ZFAT: variants seen among roughly 807,000 people sequenced by gnomAD.
ZFAT encodes zinc finger protein ZFAT.
Under a neutral mutation model 117.7 loss-of-function variants are expected in ZFAT, and 64 were observed. That is an observed-to-expected ratio of 0.54 (90% CI 0.44 to 0.67). The LOEUF is 0.67. Among genes scored for constraint, ZFAT ranks in the 30% least tolerant of loss-of-function variants. ZFAT has a pLI of 0.00. For missense variants in ZFAT, 1,433 were observed against 1,584.5 expected, an observed-to-expected ratio of 0.90 and a Z score of 1.62; for synonymous variants, 679 against 615.0, an observed-to-expected ratio of 1.10 and a Z score of -1.54.
intron 15 of ZFAT, among the ~76,000 whole-genome samples, chr8:134,495,018 G>C (rs1053529259): frequency 2.0e-5 from 3 of 152,068 alleles, no homozygotes; most frequent in African/African-American, 4.8e-5. Context: ...TACTTAATTC[G>C]ACTCTCTTTT....
chr8:134,762,919 G>T, the ZFAT span, among the ~76,000 whole-genome samples: 1 of 152,096 alleles, frequency 6.6e-6, no homozygotes, highest in Admixed American at 6.6e-5. Flanking sequence ...CCATTGCTCA[G>T]GTCAACATAG....
At chr8:134,563,802 C>G (rs997045036) in intron 11 of ZFAT, among the ~76,000 whole-genome samples, 1 of 152,224 alleles carries the variant, frequency 6.6e-6, no homozygotes, top group South Asian at 2.1e-4. Flanking sequence ...GGTGTAGGGT[C>G]GCCCAGCTCC....
At chr8:134,667,383 C>T (rs983351664) in intron 1 of ZFAT, among the ~76,000 whole-genome samples, 15 of 150,726 alleles carry the variant, frequency 1.0e-4, no homozygotes, top group Non-Finnish European at 1.5e-4. Flanking sequence ...GTCCCAGCTA[C>T]TTGGGAGGCT....
At chr8:134,565,701 G>A (rs1459974817) in intron 10 of ZFAT, 1 of 522,760 alleles carries the variant, frequency 1.9e-6, no homozygotes, top group South Asian at 2.0e-5. Context: ...TAAAGAAAGA[G>A]TAAGGGTGTG....
the ZFAT span, among the ~76,000 whole-genome samples, chr8:134,735,944 G>GAT: frequency 9.9e-5 from 15 of 152,066 alleles, no homozygotes; most frequent in Admixed American, 6.5e-5. Context: ...ATCCATCATG[G>GAT]ATATATACAC....
intron 15 of ZFAT, among the ~76,000 whole-genome samples, chr8:134,487,623 A>G (rs559453904): frequency 5.6e-4 from 85 of 152,198 alleles, no homozygotes; most frequent in African/African-American, 2.0e-3. Flanking sequence ...TCCTTCCCCC[A>G]CACTCAATTT....
At chr8:134,825,995 T>C in the ZFAT span, among the ~76,000 whole-genome samples, 2 of 145,438 alleles carry the variant, frequency 1.4e-5, no homozygotes, top group African/African-American at 5.2e-5. Flanking sequence ...CACTCCAGCC[T>C]GGGCGACAGA....
At chr8:134,773,155 C>G in the ZFAT span, among the ~76,000 whole-genome samples, 30 of 151,706 alleles carry the variant, frequency 2.0e-4, no homozygotes, top group Non-Finnish European at 4.0e-4. Context: ...CAGTCTGAGT[C>G]TCTCATTAGG....
intron 11 of ZFAT, among the ~76,000 whole-genome samples, chr8:134,541,496 C>A (rs1822250377): frequency 6.6e-6 from 1 of 152,144 alleles, no homozygotes; most frequent in African/African-American, 2.4e-5. Context: ...GAAATAAGTT[C>A]CTTTTCTTTA....
chr8:134,732,667 C>T, the ZFAT span, among the ~76,000 whole-genome samples: 4 of 152,150 alleles, frequency 2.6e-5, no homozygotes, highest in Non-Finnish European at 5.9e-5. Context: ...AAATTAGGAG[C>T]GTTTCAGAAA....
At chr8:134,511,721 G>C (rs538095463) in intron 14 of ZFAT, among the ~76,000 whole-genome samples, 1 of 152,184 alleles carries the variant, frequency 6.6e-6, no homozygotes, top group Non-Finnish European at 1.5e-5. Flanking sequence ...TTTAAAAAGA[G>C]CATCAAGAAA....
At chr8:134,484,766 C>T (rs1421346837) in intron 15 of ZFAT, among the ~76,000 whole-genome samples, 5 of 152,136 alleles carry the variant, frequency 3.3e-5, no homozygotes, top group South Asian at 4.1e-4. Flanking sequence ...AGATTTTCCC[C>T]GGAATAACAA....
intron 11 of ZFAT, among the ~76,000 whole-genome samples, chr8:134,547,560 A>C (rs1165897117): frequency 2.6e-5 from 4 of 152,246 alleles, no homozygotes; most frequent in Non-Finnish European, 4.4e-5. Flanking sequence ...ACACCACTGC[A>C]GTAGTGAAGA....
chr8:134,537,313 AAG>A (rs1251441450), intron 11 of ZFAT, among the ~76,000 whole-genome samples: 1 of 152,228 alleles, frequency 6.6e-6, no homozygotes, highest in Non-Finnish European at 1.5e-5. Flanking sequence ...GCCAACAGTA[AAG>A]AGATGATTTG....
chr8:134,644,048 C>G (rs1830734900), intron 2 of ZFAT, among the ~76,000 whole-genome samples: 1 of 152,240 alleles, frequency 6.6e-6, no homozygotes, highest in Non-Finnish European at 1.5e-5. Context: ...CCTCCTTTTA[C>G]CCTCACATTA....
In ZFAT at chr8:134,548,292, A is replaced by G. The variant is rs571768588; in HGVS notation, c.2977-15320T>C. On this transcript the variant is annotated intron_variant, in intron 11 of 15. Coordinates refer to ENST00000377838, the MANE Select transcript of ZFAT (RefSeq NM_020863.4). Reference sequence around the variant, plus strand: ...ACCCATTGATGCTGTTAAACACATAAAAATAAGGCATTTGAGCCAAGACCT... The same window carrying G: ...ACCCATTGATGCTGTTAAACACATAGAAATAAGGCATTTGAGCCAAGACCT... 1.2e-3 allele frequency among the ~76,000 whole-genome samples: 185 copies of G among 152,344 alleles called. 2 individuals carry two copies. In the Middle Eastern group the frequency reaches 0.037, roughly 31 times the overall value.
chr8:134,813,829 C>G, the ZFAT span, among the ~76,000 whole-genome samples: 2 of 150,424 alleles, frequency 1.3e-5, no homozygotes, highest in South Asian at 4.2e-4. Flanking sequence ...CACACACACA[C>G]ACACACACAC....
chr8:134,780,389 A>G, the ZFAT span, among the ~76,000 whole-genome samples: 1 of 152,180 alleles, frequency 6.6e-6, no homozygotes, highest in Non-Finnish European at 1.5e-5. Flanking sequence ...CTATTTTCCT[A>G]TACCTACCAA....
At chr8:134,545,284 G>A (rs148027078) in intron 11 of ZFAT, among the ~76,000 whole-genome samples, 1 of 152,280 alleles carries the variant, frequency 6.6e-6, no homozygotes, top group African/African-American at 2.4e-5. Context: ...AGGCTGAGGT[G>A]GAGAAATGGT....
Sources: gnomAD v4.1 joint callset for allele counts (sites outside exome capture counted in the v4.1 genomes callset) on GRCh38, gnomAD v4.1.1 for gene constraint, MANE v1.5 for transcripts, NCBI Gene and HGNC (gene_info 2026-07-23, HGNC 2026-07-21) for gene names.